The following COQ8A variants were observed in gnomAD, a reference collection of about 807,000 sequenced individuals.
COQ8A encodes atypical kinase COQ8A, mitochondrial.
COQ8A carries 51 observed loss-of-function variants against 65.0 expected under a neutral mutation model. The observed-to-expected ratio is 0.78, with a 90% CI of 0.63 to 0.99. The LOEUF (loss-of-function observed/expected upper bound fraction) is 0.99, where lower values mean the gene tolerates loss of function less well. COQ8A is among the 50% of genes least tolerant of loss of function. COQ8A has a pLI of 0.00. For synonymous variants in COQ8A, 371 were observed against 353.2 expected (o/e 1.05, Z -0.57); for missense variants, 940 against 875.0 (o/e 1.07, Z -0.94).
intron 2 of COQ8A, among the ~76,000 whole-genome samples, chr1:226,962,491 G>T (rs183336055): frequency 6.6e-6 from 1 of 152,234 alleles, no homozygotes; most frequent in Non-Finnish European, 1.5e-5. Context: ...GAGACAGGGT[G>T]GGGGGTGTTT....
At chr1:226,947,437 T>C (rs1164176338) in intron 1 of COQ8A, among the ~76,000 whole-genome samples, 1 of 152,200 alleles carries the variant, frequency 6.6e-6, no homozygotes, top group Non-Finnish European at 1.5e-5. Context: ...GAATAATAAA[T>C]GGTAGCTGTT....
intron 1 of COQ8A, among the ~76,000 whole-genome samples, chr1:226,941,819 T>G (rs1174060183): frequency 6.6e-6 from 1 of 151,450 alleles, no homozygotes; most frequent in Non-Finnish European, 1.5e-5. Context: ...GAGTGTTTTG[T>G]TCAGCCTTGC....
At position 226,985,331 on chromosome 1, in the gene COQ8A, C is replaced by T. The variant is rs750640337; in HGVS notation, c.1650C>T (p.Tyr550=). The T allele has an allele frequency of 6.2e-6, 10 of 1,613,596 alleles. No homozygotes were observed. The highest frequency in any genetic ancestry group is 2.2e-5 in the East Asian group (1 of 44,874). ...TAGAGATGAAGTTCCTCACCGGCTA[C>T]GAGGTCAAGGTGAGCAGGGTTGCGG... ...KSIEMKFLTG[Y]EVKVMEDAHL... The change falls in exon 14 of 15, where the codon TAC becomes TAT. Residue 550 remains tyrosine (Y), a synonymous_variant. Coordinates refer to ENST00000366777, the MANE Select transcript of COQ8A (RefSeq NM_020247.5).
intron 4 of COQ8A, 144 bp from the exon 5 acceptor site, chr1:226,977,305 C>T: frequency 2.8e-6 from 2 of 705,716 alleles, no homozygotes; most frequent in South Asian, 1.8e-5. Context: ...CACCTTGTTC[C>T]CCACTTTTCA....
chr1:226,948,213 A>AC (rs1444958734), intron 1 of COQ8A, among the ~76,000 whole-genome samples: 4 of 152,128 alleles, frequency 2.6e-5, no homozygotes, highest in Non-Finnish European at 5.9e-5. Context: ...CAAGGGCAGG[A>AC]CCCGACCCCT....
chr1:226,981,936 T>C, intron 5 of COQ8A, 91 bp from the exon 6 acceptor site: 4 of 1,578,878 alleles, frequency 2.5e-6, no homozygotes, highest in African/African-American at 1.3e-5. Flanking sequence ...GGAAGGACAT[T>C]GTCTGAGCCT....
intron 1 of COQ8A, among the ~76,000 whole-genome samples, chr1:226,957,418 G>A (rs912428223): frequency 3.9e-5 from 6 of 152,170 alleles, no homozygotes; most frequent in Admixed American, 1.3e-4. Context: ...AGGACAGTGG[G>A]TCCTTGGCTT....
Position 226,964,292 on chromosome 1 carries a change from A to T in COQ8A, c.178-708A>T, listed in dbSNP as rs571557383. Among the ~76,000 whole-genome samples the T allele has an allele frequency of 2.3e-4, 35 of 152,282 alleles. No homozygotes were observed. In the East Asian group the frequency reaches 3.3e-3, roughly 14 times the overall value. On this transcript the variant is annotated intron_variant, in intron 2 of 14. Transcript: ENST00000366777. Reference sequence around the variant, plus strand: ...TGTGACTGTGAGGAGCCCTATTTTCAGATGAGGAAGTAGCAGAGAAGGGTC... The same window carrying T: ...TGTGACTGTGAGGAGCCCTATTTTCTGATGAGGAAGTAGCAGAGAAGGGTC...
chr1:226,947,511 G>C (rs951667985), intron 1 of COQ8A, among the ~76,000 whole-genome samples: 3 of 152,138 alleles, frequency 2.0e-5, no homozygotes, highest in Non-Finnish European at 2.9e-5. Flanking sequence ...GAAAGATTAA[G>C]AATATAAAAC....
intron 1 of COQ8A, among the ~76,000 whole-genome samples, chr1:226,956,572 T>A (rs1184391887): frequency 2.7e-5 from 2 of 74,532 alleles, no homozygotes; most frequent in Admixed American, 1.0e-4. Context: ...TGGTTCACAC[T>A]CTCCCTGGCT....
rs1317829868 is a variant in COQ8A, at chr1:226,946,316, T to C, written c.-10+5917T>C. ...GGAGGGGTTTACCAGTCCAGCAGGG[T>C]GGCCAAGATTCCAGCAGGGGAAATG... On this transcript the variant is annotated intron_variant, in intron 1 of 14. Coordinates refer to ENST00000366777, the MANE Select transcript of COQ8A (RefSeq NM_020247.5). The surrounding 1 kb of genome is among the most constrained non-coding windows in gnomAD (Gnocchi z 5.3). Among the ~76,000 whole-genome samples the C allele has an allele frequency of 6.6e-6, 1 of 152,054 alleles. No homozygotes were observed. The highest frequency in any genetic ancestry group is 1.5e-5 in the Non-Finnish European group (1 of 67,996).
Position 226,984,650 on chromosome 1 carries a change from C to G in COQ8A, c.1501C>G (p.His501Asp), listed in dbSNP as rs968699924. ...CAACTTCTTCTATGACCCCCAGCAG[C>G]ACAAGGTGAGCCCCAGGGTGGGGGC... ...WSNFFYDPQQHKVALLDFGAT... is the reference protein window; with the variant it reads ...WSNFFYDPQQDKVALLDFGAT... Residue 501 changes from histidine (H) to aspartate (D), a missense_variant, in exon 12 of 15, where the codon CAC becomes GAC. Physicochemically the swap from His to Asp is moderately conservative, Grantham distance 81 (BLOSUM62 -1). Transcript: ENST00000366777. The G allele has an allele frequency of 6.2e-7, 1 of 1,613,872 alleles. No individual in the cohort carries two copies. The highest frequency in any genetic ancestry group is 8.5e-7 in the Non-Finnish European group (1 of 1,179,736).
At chr1:226,964,573 C>T (rs1220743912) in intron 2 of COQ8A, among the ~76,000 whole-genome samples, 3 of 152,170 alleles carry the variant, frequency 2.0e-5, no homozygotes, top group Non-Finnish European at 4.4e-5. Flanking sequence ...TAGGTGGGCC[C>T]GTCGGTGTGC....
intron 1 of COQ8A, among the ~76,000 whole-genome samples, chr1:226,957,801 T>C (rs939958583): frequency 6.6e-6 from 1 of 152,192 alleles, no homozygotes; most frequent in Non-Finnish European, 1.5e-5. Context: ...TTTTGGAGAC[T>C]AGATTTGAAG....
intron 1 of COQ8A, among the ~76,000 whole-genome samples, chr1:226,953,170 C>T (rs1196015314): frequency 1.3e-5 from 2 of 152,176 alleles, no homozygotes; most frequent in African/African-American, 4.8e-5. Context: ...GCTGGGATTA[C>T]AGGCGCATGC....
chr1:226,977,940 CCAAA>C (rs888279412), intron 5 of COQ8A, among the ~76,000 whole-genome samples: 1 of 150,940 alleles, frequency 6.6e-6, no homozygotes, highest in Non-Finnish European at 1.5e-5. Context: ...TGCCCACCCA[CCAAA>C]CACCCGCACC....
At chr1:226,950,662 C>T (rs879902713) in intron 1 of COQ8A, among the ~76,000 whole-genome samples, 6 of 152,206 alleles carry the variant, frequency 3.9e-5, no homozygotes, top group Non-Finnish European at 7.3e-5. Context: ...CTGTAGTTAT[C>T]ATTGGCATGG....
intron 4 of COQ8A, among the ~76,000 whole-genome samples, chr1:226,967,113 C>T (rs895413328): frequency 6.6e-6 from 1 of 152,184 alleles, no homozygotes; most frequent in Admixed American, 6.5e-5. Context: ...GAATATCACA[C>T]CTCCCTGAGT....
At chr1:226,942,106 G>A (rs75430377) in intron 1 of COQ8A, among the ~76,000 whole-genome samples, 5,737 of 152,100 alleles carry the variant, frequency 0.038, 332 homozygotes, top group African/African-American at 0.12. Context: ...ACCATCAAAA[G>A]TGTTTCCAGA....
Sources: allele counts gnomAD v4.1 joint callset (sites outside exome capture counted in the v4.1 genomes callset), GRCh38; gene constraint gnomAD v4.1.1; non-coding constraint Gnocchi (gnomAD v3.1); transcripts MANE v1.5; gene names NCBI Gene and HGNC (gene_info 2026-07-23, HGNC 2026-07-21).